The following CNTN4 variants were observed in gnomAD, a reference collection of about 807,000 sequenced individuals.
The protein encoded by CNTN4 is contactin 4.
In CNTN4, 77 loss-of-function variants were observed where a neutral mutation model predicts 122.5. The observed-to-expected ratio is 0.63, with a 90% CI of 0.52 to 0.76. The LOEUF (loss-of-function observed/expected upper bound fraction) is 0.76, where lower values mean the gene tolerates loss of function less well. Ranked by LOEUF, CNTN4 falls within the 30% of genes least tolerant of loss-of-function variation. The pLI is 0.00. For missense variants in CNTN4, 1,256 were observed against 1,259.1 expected (o/e 1.00, Z 0.04); for synonymous variants, 512 against 447.0 (o/e 1.15, Z -1.83).
At position 2,837,446 on chromosome 3, in the gene CNTN4, G is replaced by A. The variant is rs2093253254; in HGVS notation, c.454+17865G>A. ...ATCCGCTTTGCTCCTGCCTGGAGCT[G>A]TTCTGAATCTCCAGTGGCAGGCCCT... On this transcript the variant is annotated intron_variant, in intron 7 of 24. Transcript: ENST00000418658. 2.6e-5 allele frequency among the ~76,000 whole-genome samples: 4 copies of A among 152,318 alleles called. No individual in the cohort carries two copies. In the Middle Eastern group the frequency reaches 0.01, roughly 389 times the overall value.
chr3:2,667,251 T>A (rs9814465), intron 4 of CNTN4, among the ~76,000 whole-genome samples: 19,174 of 152,096 alleles, frequency 0.13, 1,362 homozygotes, highest in South Asian at 0.18. Context: ...CTCCAGCACC[T>A]GCTGTTTCCT....
At chr3:2,134,521 G>C (rs114855914) in intron 2 of CNTN4, among the ~76,000 whole-genome samples, 2,457 of 152,280 alleles carry the variant, frequency 0.016, 83 homozygotes, top group African/African-American at 0.056. Flanking sequence ...AATTTCTCGG[G>C]TTTCTAAGAA....
At chr3:2,349,482 C>T (rs2044527242) in intron 3 of CNTN4, among the ~76,000 whole-genome samples, 1 of 152,068 alleles carries the variant, frequency 6.6e-6, no homozygotes, top group Admixed American at 6.5e-5. Context: ...TTAGAGTATC[C>T]TCTTTAAAAG....
chr3:2,807,586 G>A (rs1031856977), intron 6 of CNTN4, among the ~76,000 whole-genome samples: 3 of 151,804 alleles, frequency 2.0e-5, no homozygotes, highest in African/African-American at 7.3e-5. Context: ...AAGAGAAACA[G>A]CCCTCGTTGA....
At chr3:2,655,991 GATA>G (rs2083571414) in intron 4 of CNTN4, among the ~76,000 whole-genome samples, 1 of 152,124 alleles carries the variant, frequency 6.6e-6, no homozygotes, top group Admixed American at 6.5e-5. Context: ...TTTGCTTTCT[GATA>G]ATTAGAGATA....
At chr3:2,157,518 G>GA (rs963859884) in intron 2 of CNTN4, among the ~76,000 whole-genome samples, 1 of 151,976 alleles carries the variant, frequency 6.6e-6, no homozygotes, top group Non-Finnish European at 1.5e-5. Context: ...TGAAAAAAAT[G>GA]AAAAAAACTT....
intron 3 of CNTN4, among the ~76,000 whole-genome samples, chr3:2,520,505 CTCT>C (rs1230056612): frequency 6.6e-6 from 1 of 151,876 alleles, no homozygotes. Flanking sequence ...AACTCCTGAC[CTCT>C]GGTGATCCAC....
At chr3:2,604,871 G>A (rs1393207059) in intron 4 of CNTN4, among the ~76,000 whole-genome samples, 1 of 151,420 alleles carries the variant, frequency 6.6e-6, no homozygotes, top group Non-Finnish European at 1.5e-5. Flanking sequence ...TATAGTAAGA[G>A]CCAATAAAGG....
chr3:2,322,484 G>A (rs190353639), intron 2 of CNTN4, among the ~76,000 whole-genome samples: 2 of 152,234 alleles, frequency 1.3e-5, no homozygotes, highest in Admixed American at 1.3e-4. Flanking sequence ...AAGGCACCCA[G>A]AGTAGTTAAA....
intron 3 of CNTN4, among the ~76,000 whole-genome samples, chr3:2,533,610 C>G (rs2077685270): frequency 6.6e-6 from 1 of 152,134 alleles, no homozygotes; most frequent in Non-Finnish European, 1.5e-5. Context: ...GTGCATGTAT[C>G]TTTATAGCAG....
At chr3:2,225,464 G>T (rs2039245199) in intron 2 of CNTN4, among the ~76,000 whole-genome samples, 1 of 152,076 alleles carries the variant, frequency 6.6e-6, no homozygotes, top group South Asian at 2.1e-4. Context: ...AGTGAGCCGA[G>T]ATCGTGCTGC....
chr3:2,795,837 G>T (rs1257922858), intron 6 of CNTN4, among the ~76,000 whole-genome samples: 1 of 152,028 alleles, frequency 6.6e-6, no homozygotes, highest in Non-Finnish European at 1.5e-5. Flanking sequence ...GGTATCTTTT[G>T]ATTCAAATTT....
chr3:2,373,238 G>A (rs886669871), intron 3 of CNTN4, among the ~76,000 whole-genome samples: 4 of 152,186 alleles, frequency 2.6e-5, no homozygotes, highest in African/African-American at 7.2e-5. Flanking sequence ...AAATCTGTGA[G>A]GTAGGCCCCA....
chr3:2,997,383 A>G (rs1695630895), intron 14 of CNTN4, among the ~76,000 whole-genome samples: 1 of 152,236 alleles, frequency 6.6e-6, no homozygotes, highest in African/African-American at 2.4e-5. Flanking sequence ...GGGGGAGCCA[A>G]CAGTTGGTCC....
chr3:3,043,759 C>A, intron 23 of CNTN4, 55 bp downstream of exon 23: 1 of 1,100,622 alleles, frequency 9.1e-7, no homozygotes, highest in East Asian at 2.4e-5. Context: ...TGGGGGCAGT[C>A]TCCTCCATGA....
At chr3:2,759,295 AC>A (rs1468349765) in intron 6 of CNTN4, among the ~76,000 whole-genome samples, 1 of 152,082 alleles carries the variant, frequency 6.6e-6, no homozygotes, top group African/African-American at 2.4e-5. Flanking sequence ...AGCTGGGATT[AC>A]AGGTGCCTGC....
At chr3:2,235,911 C>A (rs538595969) in intron 2 of CNTN4, among the ~76,000 whole-genome samples, 1 of 152,140 alleles carries the variant, frequency 6.6e-6, no homozygotes, top group South Asian at 2.1e-4. Flanking sequence ...AGTACACATA[C>A]AATGTAGTTG....
At chr3:2,327,540 T>C (rs751295501) in intron 2 of CNTN4, among the ~76,000 whole-genome samples, 4 of 152,188 alleles carry the variant, frequency 2.6e-5, no homozygotes, top group African/African-American at 4.8e-5. Flanking sequence ...TCATGCCTTA[T>C]ATTTTATATA....
intron 2 of CNTN4, among the ~76,000 whole-genome samples, chr3:2,319,947 T>C (rs1320403368): frequency 2.0e-5 from 3 of 152,182 alleles, no homozygotes; most frequent in Non-Finnish European, 4.4e-5. Flanking sequence ...TTAAAGAACA[T>C]TTTCTTTGCC....
Sources: gnomAD v4.1 joint callset for allele counts (sites outside exome capture counted in the v4.1 genomes callset) on GRCh38, gnomAD v4.1.1 for gene constraint, MANE v1.5 for transcripts, NCBI Gene and HGNC (gene_info 2026-07-23, HGNC 2026-07-21) for gene names.